Variants in SLC9B1 observed in about 807,000 individuals in gnomAD.
SLC9B1 encodes the protein sodium/hydrogen exchanger 9B1.
SLC9B1 carries 32 observed loss-of-function variants against 51.7 expected under a neutral mutation model. The ratio of observed to expected loss-of-function variants is 0.62; its 90% CI spans 0.47 to 0.83. The LOEUF (loss-of-function observed/expected upper bound fraction) is 0.83. Among genes scored for constraint, SLC9B1 ranks in the 40% least tolerant of loss-of-function variants. SLC9B1 has a pLI of 0.00. For missense variants in SLC9B1, 406 were observed against 613.2 expected, an observed-to-expected ratio of 0.66 and a Z score of 3.57; for synonymous variants, 145 against 212.7, an observed-to-expected ratio of 0.68 and a Z score of 2.77.
intron 7 of SLC9B1, among the ~76,000 whole-genome samples, chr4:102,919,654 C>A (rs374314140): frequency 3.9e-5 from 6 of 152,302 alleles, no homozygotes; most frequent in East Asian, 1.9e-4. Flanking sequence ...CCTTTCCTAG[C>A]CAAGGGAAGC....
intron 3 of SLC9B1, among the ~76,000 whole-genome samples, chr4:102,973,819 A>G (rs375319280): frequency 2.0e-5 from 3 of 152,132 alleles, no homozygotes; most frequent in Non-Finnish European, 4.4e-5. Flanking sequence ...GAAGTGAAAT[A>G]CTACATAACA....
intron 7 of SLC9B1, among the ~76,000 whole-genome samples, chr4:102,913,825 T>C (rs1490348360): frequency 6.5e-5 from 7 of 107,722 alleles, no homozygotes; most frequent in Non-Finnish European, 1.4e-4. Context: ...AAAGGAACCA[T>C]ACAGAAACTC....
At chr4:102,948,809 T>A (rs1447832414) in intron 4 of SLC9B1, among the ~76,000 whole-genome samples, 1 of 151,460 alleles carries the variant, frequency 6.6e-6, no homozygotes, top group African/African-American at 2.4e-5. Flanking sequence ...CACTGGGGAG[T>A]CCAAAAGGAG....
At chr4:102,974,004 G>A (rs907719524) in intron 3 of SLC9B1, among the ~76,000 whole-genome samples, 2 of 152,068 alleles carry the variant, frequency 1.3e-5, no homozygotes, top group Non-Finnish European at 2.9e-5. Context: ...GGGAGGTCAA[G>A]GCGGGCGGAT....
At chr4:102,979,423 T>C (rs1009281085) in intron 3 of SLC9B1, among the ~76,000 whole-genome samples, 2 of 152,156 alleles carry the variant, frequency 1.3e-5, no homozygotes, top group African/African-American at 4.8e-5. Context: ...AAGGCATCCA[T>C]TTCTCTTCTC....
At chr4:102,886,822 C>A (rs1174276286) in intron 11 of SLC9B1, among the ~76,000 whole-genome samples, 2 of 152,064 alleles carry the variant, frequency 1.3e-5, no homozygotes, top group Admixed American at 6.6e-5. Context: ...ACCATGTTGG[C>A]CAGACTAGTC....
intron 1 of SLC9B1, chr4:103,016,654 C>T (rs1222110695): frequency 6.9e-6 from 1 of 145,246 alleles, no homozygotes; most frequent in Non-Finnish European, 1.5e-5. Flanking sequence ...TGGGGTTTCT[C>T]CATGTTGGTC....
intron 7 of SLC9B1, among the ~76,000 whole-genome samples, chr4:102,914,230 G>A (rs1735479101): frequency 2.6e-5 from 1 of 37,748 alleles, no homozygotes; most frequent in African/African-American, 1.8e-4. Flanking sequence ...GGGTGCACTG[G>A]ATGAATCAGC....
intron 3 of SLC9B1, among the ~76,000 whole-genome samples, chr4:102,978,489 T>C (rs1435606377): frequency 1.3e-5 from 2 of 152,044 alleles, no homozygotes; most frequent in African/African-American, 4.8e-5. Context: ...AACAATCCCA[T>C]CAACCAGTGG....
intron 7 of SLC9B1, among the ~76,000 whole-genome samples, chr4:102,927,972 A>G (rs573670687): frequency 1.1e-3 from 163 of 152,276 alleles, no homozygotes; most frequent in African/African-American, 3.8e-3. Flanking sequence ...AAACTATCAC[A>G]AGGACAGAAA....
chr4:102,948,325 T>TAA (rs1553982877), intron 4 of SLC9B1, among the ~76,000 whole-genome samples: 1 of 127,468 alleles, frequency 7.8e-6, no homozygotes, highest in Non-Finnish European at 1.6e-5. Flanking sequence ...GGCAAAGCCA[T>TAA]ACACACACAC....
chr4:102,948,560 A>G (rs543835921), intron 4 of SLC9B1, among the ~76,000 whole-genome samples: 1 of 152,354 alleles, frequency 6.6e-6, no homozygotes, highest in Non-Finnish European at 1.5e-5. Flanking sequence ...TCACAATAAA[A>G]GGACATGGAA....
intron 1 of SLC9B1, among the ~76,000 whole-genome samples, chr4:103,007,241 A>C (rs1316073366): frequency 6.6e-6 from 1 of 152,180 alleles, no homozygotes; most frequent in African/African-American, 2.4e-5. Flanking sequence ...GTCTCTGCCC[A>C]AAAGCTCCTA....
chr4:102,946,516 T>C lies in SLC9B1; in HGVS notation c.525+131A>G. 2.9e-6 allele frequency: 3 copies of C among 1,032,236 alleles called. No homozygotes were observed. In the South Asian group the frequency reaches 4.8e-5, roughly 16 times the overall value. The allele number at this position is 1,032,236 out of a possible 1,614,324, so 63.9% of individuals were successfully genotyped here. A position where few individuals can be genotyped will look rare whatever the true frequency, so the allele number is the denominator to read the frequency against. ...CAGGCATGAGCCGCCATGCCCGGCC[T>C]TTTTTTCTTTATCTTAGGTTTGTTT... is the stretch of plus-strand genomic sequence containing the variant. On this transcript the variant is annotated intron_variant, in intron 5 of 11. Coordinates refer to ENST00000296422, the MANE Select transcript of SLC9B1 (RefSeq NM_139173.4).
intron 9 of SLC9B1, among the ~76,000 whole-genome samples, chr4:102,907,783 C>G (rs1450322932): frequency 6.6e-6 from 1 of 152,112 alleles, no homozygotes; most frequent in African/African-American, 2.4e-5. Flanking sequence ...TTTCTGATCC[C>G]CACTTATTAT....
chr4:102,937,940 CA>C (rs1302721315), intron 6 of SLC9B1, among the ~76,000 whole-genome samples: 1 of 152,062 alleles, frequency 6.6e-6, no homozygotes, highest in Non-Finnish European at 1.5e-5. Context: ...GTACATAGAA[CA>C]TTGACATTGT....
intron 3 of SLC9B1, chr4:102,962,983 T>C (rs1738220045): frequency 6.5e-6 from 3 of 461,106 alleles, no homozygotes; most frequent in South Asian, 4.6e-5. Flanking sequence ...ATGTTGTTGA[T>C]GAATACAAAA....
chr4:102,901,389 T>C (rs1245719870), intron 11 of SLC9B1, 57 bp from the exon 12 acceptor site: 2 of 1,587,060 alleles, frequency 1.3e-6, no homozygotes, highest in Non-Finnish European at 1.7e-6. Flanking sequence ...AGTTGATATA[T>C]AATGTAAATG....
chr4:103,009,596 C>T (rs1279989214), intron 1 of SLC9B1, among the ~76,000 whole-genome samples: 1 of 152,184 alleles, frequency 6.6e-6, no homozygotes, highest in African/African-American at 2.4e-5. Context: ...AGTGGCAAAG[C>T]TGGGATTTTC....
Sources: allele counts gnomAD v4.1 joint callset (sites outside exome capture counted in the v4.1 genomes callset), GRCh38; gene constraint gnomAD v4.1.1; transcripts MANE v1.5; gene names NCBI Gene and HGNC (gene_info 2026-07-23, HGNC 2026-07-21).